The following MORF4L1 variants were observed in gnomAD, a reference collection of about 807,000 sequenced individuals.
MORF4L1 encodes the protein mortality factor 4 like 1, also known as mortality factor 4-like protein 1.
MORF4L1 carries 4 observed loss-of-function variants against 52.9 expected under a neutral mutation model. The ratio of observed to expected loss-of-function variants is 0.08; its 90% CI spans 0.04 to 0.17. The LOEUF is 0.17. MORF4L1 is among the 10% of genes least tolerant of loss of function. The pLI, the probability that MORF4L1 is intolerant of heterozygous loss-of-function variation, is 1.00. For missense variants in MORF4L1, 214 were observed against 390.4 expected, an observed-to-expected ratio of 0.55 and a Z score of 3.81; for synonymous variants, 123 against 134.8, an observed-to-expected ratio of 0.91 and a Z score of 0.61.
chr15:78,872,944 G>T lies in MORF4L1; in HGVS notation c.-74G>T. 1 of 1,520,254 alleles carries T rather than the reference G, an allele frequency of 6.6e-7. No individual in the cohort carries two copies. The highest frequency in any genetic ancestry group is 8.8e-7 in the Non-Finnish European group (1 of 1,135,430). The allele number at this position is 1,520,254 out of a possible 1,614,324, so 94.2% of individuals were successfully genotyped here. ...TGCCTGACGGCGCGTCTGACGCGGA[G>T]TTGGGTGGGGTAGAGAGTAGGGGGC... On this transcript the variant is annotated 5_prime_UTR_variant, in exon 1 of 12. Transcript: ENST00000426013.
intron 10 of MORF4L1, 33 bp from the exon 11 acceptor site, chr15:78,894,787 T>C (rs751404722): frequency 8.8e-5 from 133 of 1,512,378 alleles, no homozygotes; most frequent in Non-Finnish European, 1.1e-4. Context: ...CTGCCTTGGA[T>C]GTAACTTTGG....
intron 3 of MORF4L1, among the ~76,000 whole-genome samples, chr15:78,881,005 A>G (rs2056592109): frequency 6.6e-6 from 1 of 152,002 alleles, no homozygotes; most frequent in Non-Finnish European, 1.5e-5. Context: ...TGTCTAGAAA[A>G]GGGGAAAGGA....
intron 1 of MORF4L1, chr15:78,873,961 ATTGT>A (rs1282293493): frequency 1.3e-5 from 2 of 152,200 alleles, no homozygotes; most frequent in African/African-American, 2.4e-5. Flanking sequence ...AAATGCAGTA[ATTGT>A]TTGATTAGTT....
At chr15:78,887,211 A>ATT in intron 4 of MORF4L1, 58 bp from the exon 5 acceptor site, 1 of 1,416,758 alleles carries the variant, frequency 7.1e-7, no homozygotes, top group Non-Finnish European at 9.7e-7. Context: ...CAGGCTGACA[A>ATT]TTTTTTTTTC....
chr15:78,880,138 G>A (rs1475107632), intron 2 of MORF4L1, among the ~76,000 whole-genome samples: 1 of 152,190 alleles, frequency 6.6e-6, no homozygotes. Flanking sequence ...CCTTTCATAA[G>A]CTAATGAAGT....
intron 1 of MORF4L1, among the ~76,000 whole-genome samples, chr15:78,873,567 C>G (rs1411868330): frequency 6.6e-6 from 1 of 151,974 alleles, no homozygotes; most frequent in Non-Finnish European, 1.5e-5. Flanking sequence ...TTTGGCGCCA[C>G]GGGGCGGGAG....
chr15:78,893,290 C>T (rs112194498), intron 8 of MORF4L1, among the ~76,000 whole-genome samples: 156 of 152,268 alleles, frequency 1.0e-3, no homozygotes, highest in African/African-American at 3.3e-3. Flanking sequence ...TATAGATGCT[C>T]CATAACTTAG....
In MORF4L1 at chr15:78,897,218, G is replaced by A. The variant is rs773520540; in HGVS notation, c.*151G>A. On this transcript the variant is annotated 3_prime_UTR_variant, in exon 12 of 12. Coordinates refer to ENST00000426013, the MANE Select transcript of MORF4L1 (RefSeq NM_006791.4). Reference sequence around the variant, plus strand: ...ATTTTAAACAGAGAAAAAATAAAAGGGGGTAATAGCTCCTTTTTTCTTCTT... The same window carrying A: ...ATTTTAAACAGAGAAAAAATAAAAGAGGGTAATAGCTCCTTTTTTCTTCTT... The A allele has an allele frequency of 2.4e-5, 14 of 572,054 alleles. No individual in the cohort carries two copies. Among genetic ancestry groups the A allele is most frequent in the Non-Finnish European group, 2.8e-5 (9 of 325,728 alleles). The allele number at this position is 572,054 out of a possible 1,614,324, so 35.4% of individuals were successfully genotyped here.
rs1019893222 is a variant in MORF4L1, at chr15:78,876,511, G to A, written c.41-1702G>A. 2.0e-5 allele frequency: 9 copies of A among 455,814 alleles called. 1 individual carries two copies. Among genetic ancestry groups the A allele is most frequent in the African/African-American group, 1.8e-4 (9 of 50,046 alleles). 28.2% of individuals were successfully genotyped at this position (455,814 alleles called of 1,614,324 possible). ...TTCAACAAAATACTAGGGCCTCGTA[G>A]CTAGAATGGAGGTCACAGGGCCTCG... On this transcript the variant is annotated intron_variant, in intron 1 of 11. Transcript: ENST00000426013.
chr15:78,879,067 G>T (rs1403990643), intron 2 of MORF4L1, among the ~76,000 whole-genome samples: 4 of 151,866 alleles, frequency 2.6e-5, no homozygotes, highest in South Asian at 4.1e-4. Context: ...ATACACAGAA[G>T]TGTATTTTTA....
At chr15:78,878,119 G>A in intron 1 of MORF4L1, 94 bp from the exon 2 acceptor site, 2 of 1,330,614 alleles carry the variant, frequency 1.5e-6, no homozygotes, top group Non-Finnish European at 2.1e-6. Context: ...ATTTGGCTAG[G>A]AATACCTTAA....
At chr15:78,876,472 T>C (rs151057495) in intron 1 of MORF4L1, 297 of 454,642 alleles carry the variant, frequency 6.5e-4, no homozygotes, top group African/African-American at 5.5e-3. Flanking sequence ...ACTCCTCAGC[T>C]AGCTGTATAT....
rs376318205 is a variant in MORF4L1, at chr15:78,892,413, G to T, written c.540+100G>T. 1.7e-4 allele frequency: 110 copies of T among 662,508 alleles called. No individual in the cohort carries two copies. In the East Asian group the frequency reaches 2.1e-3, roughly 13 times the overall value. The allele number at this position is 662,508 out of a possible 1,614,324, so 41.0% of individuals were successfully genotyped here. A position where few individuals can be genotyped will look rare whatever the true frequency, so the allele number is the denominator to read the frequency against. ...ATGTTATATTGACTTGAATTATTAA[G>T]GTATGACTGATAAAATAATATTTTA... On this transcript the variant is annotated intron_variant, in intron 8 of 11. Coordinates refer to ENST00000426013, the MANE Select transcript of MORF4L1 (RefSeq NM_006791.4).
chr15:78,897,000 C>A lies in MORF4L1; in HGVS notation c.905C>A (p.Ser302Tyr), dbSNP rs748024020. 1.2e-6 allele frequency: 2 copies of A among 1,613,136 alleles called. No homozygotes were observed. The highest frequency in any genetic ancestry group is 1.7e-5 in the Admixed American group (1 of 59,986). ...ATTTTTAGGTACCTGGCAAAGAATT[C>A]TGCAACTTTGTTCAGTGCCAGCGAT... ...HDFLKYLAKNSATLFSASDYE... is the reference protein window; with the variant it reads ...HDFLKYLAKNYATLFSASDYE... The change falls in exon 12 of 12, where the codon TCT becomes TAT. Residue 302 changes from serine to tyrosine, a missense_variant. Ser to Tyr is a moderately radical substitution (Grantham distance 144). Transcript: ENST00000426013.
intron 11 of MORF4L1, among the ~76,000 whole-genome samples, chr15:78,895,629 T>C (rs2056874654): frequency 6.6e-6 from 1 of 152,198 alleles, no homozygotes; most frequent in East Asian, 1.9e-4. Flanking sequence ...AGCCAAGCTG[T>C]AGTAGAGGAG....
Position 78,896,999 on chromosome 15 carries a change from T to G in MORF4L1, c.904T>G (p.Ser302Ala). The G allele has an allele frequency of 6.2e-7, 1 of 1,613,252 alleles. No homozygotes were observed. Among genetic ancestry groups the G allele is most frequent in the Non-Finnish European group, 8.5e-7 (1 of 1,179,590 alleles). ...TATTTTTAGGTACCTGGCAAAGAAT[T>G]CTGCAACTTTGTTCAGTGCCAGCGA... ...HDFLKYLAKNSATLFSASDYE... is the reference protein window; with the variant it reads ...HDFLKYLAKNAATLFSASDYE... The change falls in exon 12 of 12, where the codon TCT (serine) becomes GCT (alanine). Residue 302 changes from serine (S) to alanine (A), a missense_variant. Physicochemically the swap from Ser to Ala is moderately conservative, Grantham distance 99. This residue lies in a region of MORF4L1 where 30 missense variants were observed against 34.6 expected (regional missense o/e 0.87). Transcript: ENST00000426013.
At position 78,885,074 on chromosome 15, in the gene MORF4L1, T is replaced by A. The variant is rs543708372; in HGVS notation, c.156-1067T>A. ...GCTCCCTCAGTACACCACCCCCTCC[T>A]GACCTCTAGGTAAATGCATGTTTTG... is the stretch of plus-strand genomic sequence containing the variant. On this transcript the variant is annotated intron_variant, in intron 3 of 11. Coordinates refer to ENST00000426013, the MANE Select transcript of MORF4L1 (RefSeq NM_006791.4). 5.6e-6 allele frequency: 9 copies of A among 1,609,702 alleles called. No homozygotes were observed. The Admixed American group carries it at 1.0e-4, about 18-fold the overall frequency.
intron 11 of MORF4L1, among the ~76,000 whole-genome samples, 174 bp downstream of exon 11, chr15:78,895,078 T>C (rs1284914506): frequency 6.6e-6 from 1 of 152,220 alleles, no homozygotes; most frequent in Non-Finnish European, 1.5e-5. Context: ...TGATAGATGG[T>C]ATATAGATGA....
chr15:78,891,929 C>G (rs2056808302), intron 7 of MORF4L1, among the ~76,000 whole-genome samples: 2 of 152,148 alleles, frequency 1.3e-5, no homozygotes, highest in South Asian at 2.1e-4. Flanking sequence ...TAAAATGTAT[C>G]AAGTCAGGGT....
Sources: gnomAD v4.1 joint callset for allele counts (sites outside exome capture counted in the v4.1 genomes callset) on GRCh38, gnomAD v4.1.1 for gene constraint, gnomAD v4.1.1 regional missense constraint, MANE v1.5 for transcripts, NCBI Gene and HGNC (gene_info 2026-07-23, HGNC 2026-07-21) for gene names.